Variants in LPP observed in about 807,000 individuals in gnomAD.
The protein encoded by LPP is lipoma-preferred partner.
In LPP, 38 loss-of-function variants were observed where a neutral mutation model predicts 60.4. That is an observed-to-expected ratio of 0.63 (90% CI 0.49 to 0.83). The LOEUF is 0.83. LPP is among the 40% of genes least tolerant of loss of function. LPP has a pLI of 0.00. For missense variants in LPP, 902 were observed against 783.6 expected (o/e 1.15, Z -1.80); for synonymous variants, 328 against 290.8 (o/e 1.13, Z -1.30).
At chr3:188,336,382 A>C (rs1044433977) in intron 2 of LPP, among the ~76,000 whole-genome samples, 1 of 152,150 alleles carries the variant, frequency 6.6e-6, no homozygotes, top group Non-Finnish European at 1.5e-5. Context: ...CTACAAACTC[A>C]GTCCCAGCTG....
intron 4 of LPP, among the ~76,000 whole-genome samples, chr3:188,435,679 T>C (rs995576509): frequency 1.3e-5 from 2 of 152,236 alleles, no homozygotes; most frequent in Non-Finnish European, 2.9e-5. Flanking sequence ...CCCCACATTT[T>C]TGGGGATATT....
chr3:188,799,374 C>A (rs778324562), intron 9 of LPP, among the ~76,000 whole-genome samples: 6 of 152,170 alleles, frequency 3.9e-5, no homozygotes, highest in Non-Finnish European at 8.8e-5. Context: ...TTGTTATGGA[C>A]TTGTATGCTG....
At chr3:188,341,988 G>A (rs1223461221) in intron 3 of LPP, among the ~76,000 whole-genome samples, 1 of 152,122 alleles carries the variant, frequency 6.6e-6, no homozygotes, top group African/African-American at 2.4e-5. Flanking sequence ...TAATGTGTAT[G>A]TATTTAAGTG....
chr3:188,808,932 G>A (rs1750020749), intron 9 of LPP, among the ~76,000 whole-genome samples: 1 of 152,162 alleles, frequency 6.6e-6, no homozygotes, highest in African/African-American at 2.4e-5. Context: ...AACATGCAGT[G>A]TTTGGTTTTC....
At chr3:188,215,920 T>A (rs1243574561) in intron 1 of LPP, among the ~76,000 whole-genome samples, 1 of 152,204 alleles carries the variant, frequency 6.6e-6, no homozygotes, top group African/African-American at 2.4e-5. Context: ...AAGCAAGTGT[T>A]CCAAAGGGCT....
intron 2 of LPP, among the ~76,000 whole-genome samples, chr3:188,249,769 T>G (rs1311527205): frequency 6.6e-6 from 1 of 150,934 alleles, no homozygotes; most frequent in Non-Finnish European, 1.5e-5. Context: ...TTGTTAACAT[T>G]TTATCCCATT....
intron 8 of LPP, among the ~76,000 whole-genome samples, chr3:188,729,174 G>A (rs2150006885): frequency 6.6e-6 from 1 of 152,324 alleles, no homozygotes; most frequent in Non-Finnish European, 1.5e-5. Flanking sequence ...CAAAGGTATA[G>A]AGGTAGGAAA....
intron 5 of LPP, among the ~76,000 whole-genome samples, chr3:188,494,347 A>G (rs1291329519): frequency 6.6e-6 from 1 of 152,108 alleles, no homozygotes; most frequent in African/African-American, 2.4e-5. Flanking sequence ...TGAATTCTCA[A>G]GCCCCTTTGA....
At chr3:188,478,692 G>A (rs535138231) in intron 4 of LPP, among the ~76,000 whole-genome samples, 29 of 152,090 alleles carry the variant, frequency 1.9e-4, no homozygotes, top group Non-Finnish European at 3.2e-4. Flanking sequence ...TTAAAATTTC[G>A]TACTATTTTC....
chr3:188,280,698 C>T (rs556982327), intron 2 of LPP, among the ~76,000 whole-genome samples: 35 of 152,094 alleles, frequency 2.3e-4, no homozygotes, highest in African/African-American at 8.4e-4. Flanking sequence ...TCACCAAGAG[C>T]CAGAACAGGG....
chr3:188,242,712 T>C (rs1002759725), intron 2 of LPP, among the ~76,000 whole-genome samples: 1 of 152,218 alleles, frequency 6.6e-6, no homozygotes, highest in Non-Finnish European at 1.5e-5. Context: ...CTTCTGAGGC[T>C]AACATGCCAT....
intron 6 of LPP, among the ~76,000 whole-genome samples, chr3:188,554,809 T>C (rs113565984): frequency 5.3e-5 from 8 of 152,290 alleles, no homozygotes; most frequent in African/African-American, 1.7e-4. Context: ...ATTTTGTTAT[T>C]ATGACATATT....
chr3:188,371,111 T>C (rs1385470364), intron 3 of LPP, among the ~76,000 whole-genome samples: 3 of 152,134 alleles, frequency 2.0e-5, no homozygotes, highest in African/African-American at 4.8e-5. Context: ...TCCTTCTCTG[T>C]ATGGTGCTGT....
intron 8 of LPP, among the ~76,000 whole-genome samples, chr3:188,735,235 G>T (rs979061722): frequency 6.6e-6 from 1 of 151,902 alleles, no homozygotes; most frequent in African/African-American, 2.4e-5. Flanking sequence ...TGTTTCAGAA[G>T]AGCTCTCCTA....
chr3:188,862,606 T>C (rs1027985862), intron 9 of LPP, among the ~76,000 whole-genome samples: 7 of 151,148 alleles, frequency 4.6e-5, no homozygotes, highest in African/African-American at 1.5e-4. Context: ...TGGAGCTGGA[T>C]CAGCAGTCCA....
chr3:188,390,940 T>G (rs1463686717), intron 3 of LPP, among the ~76,000 whole-genome samples: 1 of 152,186 alleles, frequency 6.6e-6, no homozygotes, highest in Non-Finnish European at 1.5e-5. Context: ...GCTTTCTAGT[T>G]GTAGGCTGCC....
At position 188,200,016 on chromosome 3, in the gene LPP, A is replaced by G. The variant is rs114129776; in HGVS notation, c.-189-25389A>G. Among the ~76,000 whole-genome samples, 1,376 of 152,216 alleles carry G rather than the reference A, an allele frequency of 9.0e-3. 9 individuals are homozygous for G. The highest frequency in any genetic ancestry group is 0.03 in the South Asian group (146 of 4,824). ...CGCGCCTGGCCCTATTTGGCTTCTT[A>G]TACTAAACTGAGATATTTTTTGTTC... On this transcript the variant is annotated intron_variant, in intron 1 of 11. Transcript: ENST00000617246.
intron 2 of LPP, among the ~76,000 whole-genome samples, chr3:188,309,556 G>A (rs1410999851): frequency 1.3e-5 from 2 of 152,166 alleles, no homozygotes; most frequent in African/African-American, 4.8e-5. Context: ...GGCGAGATAA[G>A]CAGAGGTAGG....
chr3:188,532,309 C>T (rs992005149), intron 6 of LPP, among the ~76,000 whole-genome samples: 15 of 152,100 alleles, frequency 9.9e-5, no homozygotes, highest in African/African-American at 3.6e-4. Flanking sequence ...CCTGTAGTCC[C>T]AGCAACTCGA....
Sources: gnomAD v4.1 joint callset for allele counts (sites outside exome capture counted in the v4.1 genomes callset) on GRCh38, gnomAD v4.1.1 for gene constraint, MANE v1.5 for transcripts, NCBI Gene and HGNC (gene_info 2026-07-23, HGNC 2026-07-21) for gene names.